Variants in C9 observed in about 807,000 individuals in gnomAD.
The protein encoded by C9 is complement C9.
C9 carries 63 observed loss-of-function variants against 65.4 expected under a neutral mutation model. The observed-to-expected ratio is 0.96, with a 90% confidence interval of 0.79 to 1.19. The LOEUF (loss-of-function observed/expected upper bound fraction) is 1.19, where lower values mean the gene tolerates loss of function less well. C9 is among the 50% of genes most tolerant of loss of function. The pLI, the probability that C9 is intolerant of heterozygous loss-of-function variation, is 0.00. For synonymous variants in C9, 229 were observed against 227.9 expected (o/e 1.00, Z -0.04); for missense variants, 744 against 670.1 (o/e 1.11, Z -1.22).
chr5:39,296,948 G>T (rs1200204096), intron 9 of C9, among the ~76,000 whole-genome samples: 1 of 151,132 alleles, frequency 6.6e-6, no homozygotes. Flanking sequence ...GTAGGGGAAA[G>T]ACAATACAAT....
intron 1 of C9, among the ~76,000 whole-genome samples, chr5:39,357,189 A>C (rs1027178175): frequency 7.9e-5 from 12 of 152,246 alleles, no homozygotes; most frequent in Admixed American, 6.5e-4. Context: ...AGGCCCAGAC[A>C]GGAAAGCACT....
At chr5:39,344,165 T>G (rs1421013891) in intron 1 of C9, among the ~76,000 whole-genome samples, 1 of 152,072 alleles carries the variant, frequency 6.6e-6, no homozygotes, top group Admixed American at 6.5e-5. Flanking sequence ...GGAACAAAGC[T>G]GGATGGAGAA....
chr5:39,353,198 G>C (rs950335561), intron 1 of C9, among the ~76,000 whole-genome samples: 2 of 152,164 alleles, frequency 1.3e-5, no homozygotes, highest in African/African-American at 4.8e-5. Context: ...TTTTTCTTTA[G>C]AGCCTCCAGA....
In C9 at chr5:39,340,337, G is replaced by C. The variant is rs535376963; in HGVS notation, c.476+809C>G. On this transcript the variant is annotated intron_variant, in intron 4 of 10. Coordinates refer to ENST00000263408, the MANE Select transcript of C9 (RefSeq NM_001737.5). ...GGAAGAATGACCATGTCTTTGTTGG[G>C]GACAATTTTCCAACAAATCCACCTT... is the stretch of plus-strand genomic sequence containing the variant. Among the ~76,000 whole-genome samples the C allele has an allele frequency of 3.3e-5, 5 of 150,760 alleles. No homozygotes were observed. In the South Asian group the frequency reaches 1.0e-3, roughly 31 times the overall value.
At chr5:39,359,705 T>G (rs551789863) in intron 1 of C9, among the ~76,000 whole-genome samples, 1 of 152,230 alleles carries the variant, frequency 6.6e-6, no homozygotes, top group African/African-American at 2.4e-5. Flanking sequence ...GCAAGTGGAC[T>G]GGTGAAGCTT....
chr5:39,359,084 ATATATG>A (rs1426130869), intron 1 of C9, among the ~76,000 whole-genome samples: 3 of 63,556 alleles, frequency 4.7e-5, no homozygotes, highest in Admixed American at 2.0e-4. Flanking sequence ...GTGTGTATAT[ATATATG>A]TGTGTGTGTG....
chr5:39,288,490 A>G (rs1419646275), intron 10 of C9, among the ~76,000 whole-genome samples: 1 of 151,650 alleles, frequency 6.6e-6, no homozygotes, highest in East Asian at 1.9e-4. Context: ...AGAGTAATAC[A>G]ATAATTATAA....
chr5:39,336,633 C>CTTCA (rs1397124200), intron 4 of C9, among the ~76,000 whole-genome samples: 1 of 152,090 alleles, frequency 6.6e-6, no homozygotes, highest in African/African-American at 2.4e-5. Flanking sequence ...ATGAATATTA[C>CTTCA]TTCATTCATT....
At chr5:39,330,642 T>C (rs1302663703) in intron 5 of C9, among the ~76,000 whole-genome samples, 1 of 152,242 alleles carries the variant, frequency 6.6e-6, no homozygotes, top group Non-Finnish European at 1.5e-5. Flanking sequence ...CAAAAATCTG[T>C]GCTTAAAGAA....
chr5:39,344,132 G>A (rs1000628547), intron 1 of C9, among the ~76,000 whole-genome samples: 1 of 152,172 alleles, frequency 6.6e-6, no homozygotes, highest in Non-Finnish European at 1.5e-5. Flanking sequence ...CCCTCCAAAG[G>A]AACACAGCTC....
At chr5:39,306,111 T>C (rs1753369946) in intron 9 of C9, among the ~76,000 whole-genome samples, 1 of 143,050 alleles carries the variant, frequency 7.0e-6, no homozygotes, top group African/African-American at 2.7e-5. Context: ...TGCAGTGAGC[T>C]GAGATTGCAC....
In C9 at chr5:39,294,335, GA is replaced by G. The variant is rs370953717; in HGVS notation, c.1417-5385del. Reference sequence around the variant, plus strand: ...CAAACAATAGCTAGACTAAGAAAAAGAAAAAAGAAGCCCCAAATAAATAAAA... The same window carrying G: ...CAAACAATAGCTAGACTAAGAAAAAGAAAAAGAAGCCCCAAATAAATAAAA... On this transcript the variant is annotated intron_variant, in intron 9 of 10. Coordinates refer to ENST00000263408, the MANE Select transcript of C9 (RefSeq NM_001737.5). 4.7e-3 allele frequency among the ~76,000 whole-genome samples: 717 copies of G among 151,302 alleles called. 6 individuals are homozygous for G. The highest frequency in any genetic ancestry group is 0.031 in the South Asian group (148 of 4,806).
At chr5:39,306,007 A>C (rs1165101619) in intron 9 of C9, among the ~76,000 whole-genome samples, 5 of 151,990 alleles carry the variant, frequency 3.3e-5, no homozygotes, top group African/African-American at 1.2e-4. Flanking sequence ...CTAAAAATAC[A>C]AGAAAATTAG....
At chr5:39,314,446 T>C (rs909512624) in intron 6 of C9, among the ~76,000 whole-genome samples, 4 of 151,382 alleles carry the variant, frequency 2.6e-5, no homozygotes, top group African/African-American at 9.8e-5. Flanking sequence ...CAAAAATCTA[T>C]CTCAAAATAA....
chr5:39,346,417 C>T (rs1315418295), intron 1 of C9, among the ~76,000 whole-genome samples: 1 of 152,170 alleles, frequency 6.6e-6, no homozygotes, highest in African/African-American at 2.4e-5. Flanking sequence ...ACTAGAAAAT[C>T]TAGAAGAAAT....
chr5:39,326,637 C>T (rs900490774), intron 5 of C9, among the ~76,000 whole-genome samples: 1 of 152,182 alleles, frequency 6.6e-6, no homozygotes, highest in Non-Finnish European at 1.5e-5. Context: ...GACTTCAACC[C>T]TGAATGCATG....
At chr5:39,334,718 C>T (rs1753928600) in intron 4 of C9, among the ~76,000 whole-genome samples, 1 of 151,190 alleles carries the variant, frequency 6.6e-6, no homozygotes, top group African/African-American at 2.5e-5. Context: ...CCCGCCTGGC[C>T]AGCCACCCCG....
chr5:39,350,355 A>G (rs1754300716), intron 1 of C9, among the ~76,000 whole-genome samples: 1 of 152,188 alleles, frequency 6.6e-6, no homozygotes, highest in Non-Finnish European at 1.5e-5. Context: ...AAACCATATC[A>G]TTCCACCCTG....
In C9 at chr5:39,288,942, TAGGAGAC is replaced by T; in HGVS notation, c.1419_1425del (p.Ser474TyrfsTer7). On this transcript the variant is annotated frameshift_variant and splice_region_variant, in exon 10 of 11. Coordinates refer to ENST00000263408, the MANE Select transcript of C9 (RefSeq NM_001737.5). LOFTEE classifies it high-confidence loss of function. ...ATTTTCACTGGAACCAGATTATATA[TAGGAGAC>T]AGCTGAAAGGAAGCAAAACATTTAA... 2 of 1,585,736 alleles carry T rather than the reference TAGGAGAC, an allele frequency of 1.3e-6. No individual in the cohort carries two copies. The highest frequency in any genetic ancestry group is 1.7e-6 in the Non-Finnish European group (2 of 1,154,754).
Sources: gnomAD v4.1 joint callset for allele counts (sites outside exome capture counted in the v4.1 genomes callset) on GRCh38, gnomAD v4.1.1 for gene constraint, MANE v1.5 for transcripts, NCBI Gene and HGNC (gene_info 2026-07-23, HGNC 2026-07-21) for gene names.